OCIAD1: variants seen among roughly 807,000 people sequenced by gnomAD.
OCIAD1 encodes OCIA domain containing 1, also known as OCIA domain-containing protein 1.
A neutral mutation model predicts 38.9 loss-of-function variants in OCIAD1; 29 were observed. The observed-to-expected ratio is 0.74, with a 90% CI of 0.55 to 1.02. The LOEUF (loss-of-function observed/expected upper bound fraction) is 1.02, where lower values mean the gene tolerates loss of function less well. Among genes scored for constraint, OCIAD1 ranks in the 50% least tolerant of loss-of-function variants. OCIAD1 has a pLI of 0.00. For missense variants in OCIAD1, 288 were observed against 289.6 expected, an observed-to-expected ratio of 0.99 and a Z score of 0.04; for synonymous variants, 110 against 92.0, an observed-to-expected ratio of 1.20 and a Z score of -1.12.
chr4:48,831,456 C>T (rs980661710), intron 1 of OCIAD1: 10 of 1,283,264 alleles, frequency 7.8e-6, no homozygotes, highest in Non-Finnish European at 1.0e-5. Context: ...AGTTCGTGGT[C>T]ACGGATGCGT....
At chr4:48,840,258 T>C (rs1035018689) in intron 3 of OCIAD1, among the ~76,000 whole-genome samples, 2 of 152,244 alleles carry the variant, frequency 1.3e-5, no homozygotes, top group African/African-American at 4.8e-5. Flanking sequence ...AGCTAACTCA[T>C]TGCCTTTTAT....
intron 1 of OCIAD1, among the ~76,000 whole-genome samples, chr4:48,816,977 A>G (rs986538727): frequency 1.3e-5 from 2 of 152,144 alleles, no homozygotes; most frequent in Non-Finnish European, 2.9e-5. Context: ...CCTCCCCAAA[A>G]AAAGGGGTGG....
At chr4:48,806,658 T>G (rs1207008558) in intron 1 of OCIAD1, among the ~76,000 whole-genome samples, 1 of 151,950 alleles carries the variant, frequency 6.6e-6, no homozygotes, top group Admixed American at 6.6e-5. Flanking sequence ...CAGGCTGGAG[T>G]GTAGTGGAGC....
intron 3 of OCIAD1, among the ~76,000 whole-genome samples, chr4:48,839,293 A>G (rs368394660): frequency 6.6e-6 from 1 of 152,098 alleles, no homozygotes; most frequent in Non-Finnish European, 1.5e-5. Flanking sequence ...AAAATTAGCC[A>G]GGTGTGGTGG....
intron 3 of OCIAD1, among the ~76,000 whole-genome samples, chr4:48,838,161 T>C (rs1349921955): frequency 2.0e-5 from 3 of 151,886 alleles, no homozygotes; most frequent in African/African-American, 7.3e-5. Context: ...CTACTAAGAA[T>C]ACAAAAATTA....
intron 1 of OCIAD1, among the ~76,000 whole-genome samples, chr4:48,810,833 T>C (rs1343159476): frequency 1.3e-5 from 2 of 151,148 alleles, no homozygotes; most frequent in African/African-American, 4.9e-5. Flanking sequence ...CAGTGGGTAG[T>C]GATTGAGGAT....
chr4:48,820,190 TAACA>T (rs1376947249), intron 1 of OCIAD1, among the ~76,000 whole-genome samples: 1 of 152,158 alleles, frequency 6.6e-6, no homozygotes, highest in African/African-American at 2.4e-5. Context: ...ATGGAAATCA[TAACA>T]AACAGTCTCT....
At chr4:48,824,497 C>G (rs777905754) in intron 1 of OCIAD1, among the ~76,000 whole-genome samples, 158 of 152,106 alleles carry the variant, frequency 1.0e-3, no homozygotes, top group Middle Eastern at 3.4e-3. Flanking sequence ...CCTGTCGCCT[C>G]CACCTCCTGG....
intron 1 of OCIAD1, among the ~76,000 whole-genome samples, chr4:48,819,630 C>T (rs913561660): frequency 4.8e-5 from 7 of 146,326 alleles, no homozygotes; most frequent in African/African-American, 1.8e-4. Flanking sequence ...CAAGACCCCT[C>T]AGTGTGCTAT....
chr4:48,849,524 A>G (rs1227919527), intron 5 of OCIAD1, among the ~76,000 whole-genome samples: 2 of 152,182 alleles, frequency 1.3e-5, no homozygotes, highest in Non-Finnish European at 2.9e-5. Context: ...GGCTGTGCAT[A>G]TGATATTCTG....
chr4:48,831,190 G>T lies in OCIAD1; in HGVS notation c.-65G>T. The T allele has an allele frequency of 3.1e-6, 1 of 322,064 alleles. No homozygotes were observed. The highest frequency in any genetic ancestry group is 6.2e-6 in the Non-Finnish European group (1 of 161,054). 20.0% of individuals were successfully genotyped at this position (322,064 alleles called of 1,614,324 possible). ...CTGCCCCCTCTCGAGTCCACCCTCC[G>T]GGCCTTCTGCCCCTGATCGCTTGGT... On this transcript the variant is annotated 5_prime_UTR_variant, in exon 1 of 9. Transcript: ENST00000264312.
At chr4:48,812,450 T>C (rs1262059083) in intron 1 of OCIAD1, among the ~76,000 whole-genome samples, 2 of 144,970 alleles carry the variant, frequency 1.4e-5, no homozygotes, top group Non-Finnish European at 3.0e-5. Context: ...AATTTGGAAA[T>C]CAGAAAGACA....
At chr4:48,818,873 GA>G (rs985389296) in intron 1 of OCIAD1, among the ~76,000 whole-genome samples, 1 of 151,888 alleles carries the variant, frequency 6.6e-6, no homozygotes, top group Non-Finnish European at 1.5e-5. Context: ...CAAGATTAGA[GA>G]AAAAATAATG....
chr4:48,845,521 T>G (rs1333696553), intron 4 of OCIAD1, among the ~76,000 whole-genome samples: 3 of 152,224 alleles, frequency 2.0e-5, no homozygotes, highest in African/African-American at 7.2e-5. Context: ...GTGTCTGATA[T>G]GTACTATACA....
chr4:48,842,574 A>C (rs1295092585), intron 3 of OCIAD1, 62 bp from the exon 4 acceptor site: 1 of 1,059,066 alleles, frequency 9.4e-7, no homozygotes, highest in Non-Finnish European at 1.4e-6. Flanking sequence ...CATTTATCTA[A>C]TGAACTTTAG....
intron 3 of OCIAD1, among the ~76,000 whole-genome samples, chr4:48,841,410 T>C (rs1378452854): frequency 6.6e-6 from 1 of 152,088 alleles, no homozygotes; most frequent in Non-Finnish European, 1.5e-5. Flanking sequence ...GGAAACCAGG[T>C]CCCAAGAGTT....
At chr4:48,818,983 C>G (rs771456332) in intron 1 of OCIAD1, among the ~76,000 whole-genome samples, 16 of 151,968 alleles carry the variant, frequency 1.1e-4, no homozygotes, top group Non-Finnish European at 2.2e-4. Flanking sequence ...AGAATGGAAC[C>G]AAGTTGAAGA....
rs183155838 is a variant in OCIAD1, at chr4:48,858,921, G to A, written c.700+1556G>A. ...TTACCTCTAAAGGAAGAGGACATTC[G>A]AATAGGGTTTTATAGCTATTTCAGT... On this transcript the variant is annotated intron_variant, in intron 8 of 8. Coordinates refer to ENST00000264312, the MANE Select transcript of OCIAD1 (RefSeq NM_017830.4). 1.4e-4 allele frequency among the ~76,000 whole-genome samples: 22 copies of A among 152,244 alleles called. No individual in the cohort carries two copies. In the East Asian group the frequency reaches 3.9e-3, roughly 27 times the overall value.
chr4:48,814,659 A>T (rs1421694586), intron 1 of OCIAD1, among the ~76,000 whole-genome samples: 1 of 152,156 alleles, frequency 6.6e-6, no homozygotes, highest in East Asian at 1.9e-4. Flanking sequence ...ATGGTTCTAA[A>T]TTAACAATAT....
Sources: allele counts gnomAD v4.1 joint callset (sites outside exome capture counted in the v4.1 genomes callset), GRCh38; gene constraint gnomAD v4.1.1; transcripts MANE v1.5; gene names NCBI Gene and HGNC (gene_info 2026-07-23, HGNC 2026-07-21).